DHDDS: variants seen among roughly 807,000 people sequenced by gnomAD.
DHDDS encodes the protein dehydrodolichyl diphosphate synthase complex subunit DHDDS.
DHDDS carries 16 observed loss-of-function variants against 46.2 expected under a neutral mutation model. That is an observed-to-expected ratio of 0.35 (90% confidence interval 0.23 to 0.53). The LOEUF (loss-of-function observed/expected upper bound fraction) is 0.53. DHDDS is among the 20% of genes least tolerant of loss of function. The pLI is 0.94. For missense variants in DHDDS, 340 were observed against 423.7 expected, an observed-to-expected ratio of 0.80 and a Z score of 1.73; for synonymous variants, 151 against 163.1, an observed-to-expected ratio of 0.93 and a Z score of 0.56.
chr1:26,458,753 A>G (rs951630195), intron 7 of DHDDS, among the ~76,000 whole-genome samples: 21 of 151,838 alleles, frequency 1.4e-4, no homozygotes, highest in Non-Finnish European at 2.4e-4. Context: ...AAAAAAAAAA[A>G]AAAGAAAAGA....
chr1:26,433,135 C>T, intron 2 of DHDDS, 127 bp downstream of exon 2: 1 of 1,002,226 alleles, frequency 1.0e-6, no homozygotes, highest in Non-Finnish European at 1.6e-6. Flanking sequence ...GCAAGGAAAC[C>T]AAAGAGTCTT....
At chr1:26,455,123 A>G in intron 6 of DHDDS, 1 of 785,066 alleles carries the variant, frequency 1.3e-6, no homozygotes, top group East Asian at 2.4e-5. Context: ...GTAAACACGA[A>G]GATTGGAACC....
At chr1:26,465,116 A>T (rs956371138) in intron 8 of DHDDS, among the ~76,000 whole-genome samples, 1 of 152,162 alleles carries the variant, frequency 6.6e-6, no homozygotes, top group East Asian at 1.9e-4. Context: ...AGAGCAGCTG[A>T]TCCTCAATCA....
chr1:26,445,372 G>A (rs940637023), intron 4 of DHDDS, among the ~76,000 whole-genome samples: 1 of 152,180 alleles, frequency 6.6e-6, no homozygotes, highest in Admixed American at 6.5e-5. Context: ...TACATAAAAT[G>A]CAACTGCCCA....
chr1:26,433,181 C>T (rs2075120539), intron 2 of DHDDS, 173 bp downstream of exon 2: 1 of 719,522 alleles, frequency 1.4e-6, no homozygotes, highest in Non-Finnish European at 2.4e-6. Context: ...TTCTGGTAGA[C>T]TTTTGTCCTA....
At chr1:26,466,352 A>C (rs150619890) in intron 8 of DHDDS, 6 of 152,326 alleles carry the variant, frequency 3.9e-5, no homozygotes, top group African/African-American at 1.4e-4. Context: ...GATTCAGACC[A>C]TGTGGAAGCT....
intron 2 of DHDDS, among the ~76,000 whole-genome samples, chr1:26,434,633 A>T (rs2075134990): frequency 6.6e-6 from 1 of 152,116 alleles, no homozygotes; most frequent in Non-Finnish European, 1.5e-5. Flanking sequence ...AGCTGCTCCA[A>T]GCCAAATAAG....
At chr1:26,459,144 G>C (rs1488351484) in intron 7 of DHDDS, among the ~76,000 whole-genome samples, 2 of 152,164 alleles carry the variant, frequency 1.3e-5, no homozygotes, top group African/African-American at 4.8e-5. Context: ...TTACAACTTT[G>C]GGAACTGATA....
At chr1:26,465,432 G>GCCT (rs2075474496) in intron 8 of DHDDS, among the ~76,000 whole-genome samples, 1 of 152,190 alleles carries the variant, frequency 6.6e-6, no homozygotes, top group Non-Finnish European at 1.5e-5. Flanking sequence ...GCTCAAGCGA[G>GCCT]CCTCCCACCT....
Position 26,469,038 on chromosome 1 carries a change from G to C in DHDDS, c.909G>C (p.Ser303=), listed in dbSNP as rs376517028. ...GAAGGACACGCTTGCACAAACTCTC[G>C]GCCAGACGGGAAGAGCGAGTCCAAG... ...QLRRTRLHKL[S]ARREERVQGF... Residue 303 remains serine, a synonymous_variant, in exon 9 of 9, where the codon TCG becomes TCC. Transcript: ENST00000236342. The C allele has an allele frequency of 1.2e-6, 2 of 1,614,020 alleles. No homozygotes were observed. The highest frequency in any genetic ancestry group is 2.2e-5 in the South Asian group (2 of 91,072).
rs143545646 is a variant in DHDDS at position 26,446,635 on chromosome 1, A to T, written c.440+203A>T. ...ACATGTTATATGTGTGTATACTGAC[A>T]CATACACATAGTTTCTCTTTCCTCC... On this transcript the variant is annotated intron_variant, in intron 5 of 8. Transcript: ENST00000236342. Among the ~76,000 whole-genome samples the T allele has an allele frequency of 9.9e-4, 151 of 152,268 alleles. 1 individual carries two copies. The highest frequency in any genetic ancestry group is 3.4e-3 in the African/African-American group (141 of 41,540).
intron 8 of DHDDS, chr1:26,467,456 G>A (rs1024239185): frequency 2.4e-6 from 1 of 423,990 alleles, no homozygotes; most frequent in South Asian, 1.7e-5. Flanking sequence ...CAGGAGCCGG[G>A]GGGGACAGTC....
intron 2 of DHDDS, among the ~76,000 whole-genome samples, chr1:26,437,443 C>T (rs577871391): frequency 1.3e-4 from 20 of 151,246 alleles, no homozygotes; most frequent in African/African-American, 4.9e-4. Flanking sequence ...CCCAGGAGTT[C>T]GAGACCTGGT....
At chr1:26,445,844 G>A (rs1361442026) in intron 4 of DHDDS, among the ~76,000 whole-genome samples, 2 of 151,930 alleles carry the variant, frequency 1.3e-5, no homozygotes, top group African/African-American at 2.4e-5. Context: ...CCAACATGGT[G>A]AAACCTCATC....
intron 4 of DHDDS, among the ~76,000 whole-genome samples, chr1:26,443,854 T>A (rs2075242255): frequency 6.6e-6 from 1 of 152,216 alleles, no homozygotes; most frequent in Non-Finnish European, 1.5e-5. Context: ...CTTTTTAAAG[T>A]GTTTACTATA....
intron 3 of DHDDS, among the ~76,000 whole-genome samples, chr1:26,440,818 C>G (rs963581666): frequency 6.6e-6 from 1 of 152,130 alleles, no homozygotes; most frequent in Non-Finnish European, 1.5e-5. Flanking sequence ...CTGTTGTCTA[C>G]GTTTAACCTC....
Position 26,469,389 on chromosome 1 carries a change from C to T in DHDDS, c.*258C>T. On this transcript the variant is annotated 3_prime_UTR_variant, in exon 9 of 9. Coordinates refer to ENST00000236342, the MANE Select transcript of DHDDS (RefSeq NM_205861.3). ...CTGGTCACCAATAGGGTTTGGAGAG[C>T]AAAGGGCCACAACTCATCAGCTGCC... 2 of 592,888 alleles carry T rather than the reference C, an allele frequency of 3.4e-6. No individual in the cohort carries two copies. The highest frequency in any genetic ancestry group is 5.9e-6 in the Non-Finnish European group (2 of 336,694). 36.7% of individuals were successfully genotyped at this position (592,888 alleles called of 1,614,324 possible).
chr1:26,437,500 T>C (rs1430382295), intron 2 of DHDDS, among the ~76,000 whole-genome samples: 2 of 150,392 alleles, frequency 1.3e-5, no homozygotes, highest in Non-Finnish European at 3.0e-5. Context: ...AGACAGAGTC[T>C]CGCTGTGTCA....
intron 5 of DHDDS, 103 bp from the exon 6 acceptor site, chr1:26,447,452 GTATT>G: frequency 1.2e-6 from 1 of 859,124 alleles, no homozygotes; most frequent in Non-Finnish European, 2.0e-6. Flanking sequence ...CATTTGATGT[GTATT>G]TGTTTTTCTA....
Sources: allele counts gnomAD v4.1 joint callset (sites outside exome capture counted in the v4.1 genomes callset), GRCh38; gene constraint gnomAD v4.1.1; transcripts MANE v1.5; gene names NCBI Gene and HGNC (gene_info 2026-07-23, HGNC 2026-07-21).